Variants in KCNJ15 observed in about 807,000 individuals in gnomAD.
The protein encoded by KCNJ15 is ATP-sensitive inward rectifier potassium channel 15.
KCNJ15 carries 14 observed loss-of-function variants against 23.0 expected under a neutral mutation model. The observed-to-expected ratio is 0.61, with a 90% CI of 0.40 to 0.95. The LOEUF is 0.95. Among genes scored for constraint, KCNJ15 ranks in the 40% least tolerant of loss-of-function variants. The pLI is 0.00. For missense variants in KCNJ15, 388 were observed against 461.8 expected (o/e 0.84, Z 1.46); for synonymous variants, 185 against 183.2 (o/e 1.01, Z -0.08).
intron 1 of KCNJ15, among the ~76,000 whole-genome samples, chr21:38,271,300 G>T (rs953381036): frequency 6.6e-6 from 1 of 152,240 alleles, no homozygotes; most frequent in African/African-American, 2.4e-5. Flanking sequence ...GCTCGGAGGG[G>T]CTGGGTCATT....
intron 1 of KCNJ15, among the ~76,000 whole-genome samples, chr21:38,236,521 A>T (rs1334750589): frequency 1.3e-5 from 2 of 152,142 alleles, no homozygotes; most frequent in Non-Finnish European, 2.9e-5. Context: ...CATTTTCTTA[A>T]GCCCATTAAC....
At chr21:38,244,596 G>A (rs1979239112) in intron 1 of KCNJ15, among the ~76,000 whole-genome samples, 1 of 152,100 alleles carries the variant, frequency 6.6e-6, no homozygotes, top group African/African-American at 2.4e-5. Flanking sequence ...TGACAGGAGA[G>A]GACACTAAGA....
chr21:38,281,572 T>C (rs137885672), intron 1 of KCNJ15, among the ~76,000 whole-genome samples: 1 of 152,350 alleles, frequency 6.6e-6, no homozygotes, highest in Non-Finnish European at 1.5e-5. Flanking sequence ...GGTCTCCAGC[T>C]CCATCCATGT....
intron 1 of KCNJ15, among the ~76,000 whole-genome samples, chr21:38,230,938 T>C (rs1988719267): frequency 6.6e-6 from 1 of 152,096 alleles, no homozygotes; most frequent in Admixed American, 6.5e-5. Context: ...AGAATCACCA[T>C]GTCAGTTTCT....
In KCNJ15 at chr21:38,302,229, A is replaced by C. The variant is rs1281459639; in HGVS notation, c.*1840A>C. 6.6e-6 allele frequency: 1 copy of C among 152,226 alleles called. No homozygotes were observed. Among genetic ancestry groups the C allele is most frequent in the Admixed American group, 6.5e-5 (1 of 15,280 alleles). The allele number at this position is 152,226 out of a possible 1,614,324, so 9.4% of individuals were successfully genotyped here. ...ATATGAACATTGGGACTCAGAGAAA[A>C]TGGGGAAAATAAAGTGGATTCAGGT... On this transcript the variant is annotated 3_prime_UTR_variant, in exon 3 of 3. Transcript: ENST00000398938.
At chr21:38,282,916 T>C (rs539643006) in intron 1 of KCNJ15, among the ~76,000 whole-genome samples, 1 of 152,188 alleles carries the variant, frequency 6.6e-6, no homozygotes, top group Admixed American at 6.5e-5. Flanking sequence ...CTGGAGGAGA[T>C]GACATTTGAG....
chr21:38,256,073 G>A (rs143834300), upstream of KCNJ15, among the ~76,000 whole-genome samples: 2 of 152,238 alleles, frequency 1.3e-5, no homozygotes, highest in South Asian at 2.1e-4. Context: ...CAGTCTGGCC[G>A]TGAGAAGGCC....
At chr21:38,262,646 T>TA (rs1981035080) in intron 1 of KCNJ15, among the ~76,000 whole-genome samples, 1 of 152,114 alleles carries the variant, frequency 6.6e-6, no homozygotes, top group African/African-American at 2.4e-5. Flanking sequence ...ACAGTATTTT[T>TA]AAAAAGTGAT....
intron 1 of KCNJ15, among the ~76,000 whole-genome samples, chr21:38,235,728 C>T (rs955518370): frequency 2.0e-5 from 3 of 152,246 alleles, no homozygotes; most frequent in Admixed American, 6.5e-5. Flanking sequence ...TTTACTCTAT[C>T]AATAATATGA....
intron 1 of KCNJ15, among the ~76,000 whole-genome samples, chr21:38,229,969 T>G (rs1430149663): frequency 6.6e-6 from 1 of 152,232 alleles, no homozygotes. Context: ...ATCCACTTTT[T>G]GGCTGTTCTG....
intron 1 of KCNJ15, among the ~76,000 whole-genome samples, chr21:38,295,120 T>G (rs2146345174): frequency 6.6e-6 from 1 of 152,350 alleles, no homozygotes; most frequent in Admixed American, 6.5e-5. Context: ...AATATTTACC[T>G]GGAGATGATT....
intron 1 of KCNJ15, among the ~76,000 whole-genome samples, chr21:38,270,099 C>T (rs1015714240): frequency 6.6e-6 from 1 of 152,106 alleles, no homozygotes; most frequent in African/African-American, 2.4e-5. Flanking sequence ...TATGTAGCTT[C>T]GAAGCCCTTC....
At chr21:38,290,616 A>G (rs1289895802) in intron 1 of KCNJ15, among the ~76,000 whole-genome samples, 13 of 152,166 alleles carry the variant, frequency 8.5e-5, no homozygotes, top group Admixed American at 7.9e-4. Context: ...TTTTGAAGAC[A>G]GGTTCTTGGG....
chr21:38,288,018 G>GTTTTTTTA (rs1395005811), intron 1 of KCNJ15, among the ~76,000 whole-genome samples: 1 of 26,028 alleles, frequency 3.8e-5, no homozygotes, highest in African/African-American at 9.6e-5. Flanking sequence ...TAAATAACTT[G>GTTTTTTTA]TTTTTTTCTT....
chr21:38,268,237 G>C (rs1307685913), intron 1 of KCNJ15, among the ~76,000 whole-genome samples: 3 of 152,162 alleles, frequency 2.0e-5, no homozygotes, highest in Non-Finnish European at 2.9e-5. Context: ...AATAATGAAA[G>C]CGGGAGAACA....
chr21:38,299,181 T>G lies in KCNJ15; in HGVS notation c.-18-63T>G. 1.6e-6 allele frequency: 2 copies of G among 1,234,848 alleles called. No homozygotes were observed. The highest frequency in any genetic ancestry group is 1.4e-5 in the South Asian group (1 of 70,242). 76.5% of individuals were successfully genotyped at this position (1,234,848 alleles called of 1,614,324 possible). ...CATTCATACTTACTTCACATGATGA[T>G]TCTATTTTCTGGAAGTTCCACCACA... On this transcript the variant is annotated intron_variant, in intron 2 of 2. Coordinates refer to ENST00000398938, the MANE Select transcript of KCNJ15 (RefSeq NM_170736.3). The surrounding 1 kb of genome is among the most constrained non-coding windows in gnomAD (Gnocchi z 4.5).
At chr21:38,263,110 C>CAG (rs1433527529) in intron 1 of KCNJ15, among the ~76,000 whole-genome samples, 1 of 152,148 alleles carries the variant, frequency 6.6e-6, no homozygotes, top group Admixed American at 6.5e-5. Flanking sequence ...GCCCTAGGGA[C>CAG]AGAAGAAGGC....
chr21:38,251,518 G>A (rs1235554759), intron 1 of KCNJ15, among the ~76,000 whole-genome samples: 1 of 152,160 alleles, frequency 6.6e-6, no homozygotes, highest in African/African-American at 2.4e-5. Context: ...TATAGAGAGA[G>A]GCGGGCACTT....
chr21:38,242,387 C>T (rs1979069693), intron 1 of KCNJ15, among the ~76,000 whole-genome samples: 1 of 152,130 alleles, frequency 6.6e-6, no homozygotes, highest in Non-Finnish European at 1.5e-5. Flanking sequence ...ACCAAGATTG[C>T]ACACGGGGCT....
Sources: gnomAD v4.1 joint callset for allele counts (sites outside exome capture counted in the v4.1 genomes callset) on GRCh38, gnomAD v4.1.1 for gene constraint, Gnocchi (gnomAD v3.1) non-coding constraint, MANE v1.5 for transcripts, NCBI Gene and HGNC (gene_info 2026-07-23, HGNC 2026-07-21) for gene names.